The following ARL17A variants were observed in gnomAD, a reference collection of about 807,000 sequenced individuals.
ARL17A encodes the protein ADP-ribosylation factor-like 17-like.
chr17:46,506,154 T>G, the ARL17A span, among the ~76,000 whole-genome samples: 1 of 145,308 alleles, frequency 6.9e-6, no homozygotes, highest in Non-Finnish European at 1.5e-5. Context: ...AAGAGTCTAC[T>G]AGAGATACTA....
downstream of ARL17A, among the ~76,000 whole-genome samples, chr17:46,551,564 CTCAAGT>C (rs1283225604): frequency 6.7e-6 from 1 of 149,120 alleles, no homozygotes; most frequent in Non-Finnish European, 1.5e-5. Context: ...CAAAAGCCAA[CTCAAGT>C]TCATCTTTCT....
At chr17:46,544,671 T>C (rs1470853378) in intron 3 of ARL17A, among the ~76,000 whole-genome samples, 1 of 80,184 alleles carries the variant, frequency 1.2e-5, no homozygotes. Context: ...ATGACCATGC[T>C]ATACTGCCTA....
In ARL17A at chr17:46,573,025, A is replaced by G. The variant is rs985897936; in HGVS notation, c.149-2156T>C. On this transcript the variant is annotated intron_variant, in intron 2 of 3. Coordinates refer to ENST00000336125, the MANE Select transcript of ARL17A (RefSeq NM_001113738.2). ...AGGGAGGAAGGGAGGAAGGGAGGAAAGGAAAAGAAGGAAAGATGTCCCCTT... is the reference window on the plus strand; with the variant it reads ...AGGGAGGAAGGGAGGAAGGGAGGAAGGGAAAAGAAGGAAAGATGTCCCCTT... 3.4e-5 allele frequency among the ~76,000 whole-genome samples: 4 copies of G among 117,782 alleles called. No individual in the cohort carries two copies. The Admixed American group carries it at 3.6e-4, about 11-fold the overall frequency. The allele number at this position is 117,782 out of a possible 152,430, so 77.3% of individuals were successfully genotyped here. A position where few individuals can be genotyped will look rare whatever the true frequency, so the allele number is the denominator to read the frequency against.
the ARL17A span, among the ~76,000 whole-genome samples, chr17:46,500,859 A>C: frequency 2.0e-5 from 3 of 150,972 alleles, no homozygotes; most frequent in African/African-American, 7.4e-5. Context: ...TGGTTCCCCA[A>C]ACAGCACAAC....
intron 3 of ARL17A, among the ~76,000 whole-genome samples, chr17:46,558,140 T>A (rs1302443914): frequency 7.3e-5 from 9 of 123,804 alleles, no homozygotes; most frequent in Non-Finnish European, 1.7e-5. Context: ...GCTCACTGCA[T>A]CCTCCGCCTC....
downstream of ARL17A, among the ~76,000 whole-genome samples, chr17:46,551,431 TCCAGCCACAGCAGCCCCTCACCAAACC>T (rs1441798387): frequency 6.7e-6 from 1 of 149,488 alleles, no homozygotes; most frequent in Non-Finnish European, 1.5e-5. Context: ...AGCCCTCCAT[TCCAGCCACAGCAGCCCCTCACCAAACC>T]CCAGTCACAC....
At chr17:46,551,028 A>G (rs1465150624), downstream of ARL17A, among the ~76,000 whole-genome samples, 4 of 149,948 alleles carry the variant, frequency 2.7e-5, no homozygotes, top group Non-Finnish European at 5.9e-5. Context: ...AAAGCACTAC[A>G]GAGTAGCCAT....
intron 4 of ARL17A, among the ~76,000 whole-genome samples, chr17:46,530,277 G>T (rs1435073725): frequency 8.7e-6 from 1 of 114,552 alleles, no homozygotes; most frequent in East Asian, 2.7e-4. Context: ...GAGCCCACCA[G>T]TGGTCTTACA....
At chr17:46,516,196 G>T (rs1225367210), downstream of ARL17A, among the ~76,000 whole-genome samples, 1 of 148,182 alleles carries the variant, frequency 6.7e-6, no homozygotes, top group African/African-American at 2.5e-5. Context: ...CCAGCTACTC[G>T]GGAGGCTGAG....
the ARL17A span, among the ~76,000 whole-genome samples, chr17:46,500,793 A>T: frequency 2.6e-5 from 4 of 151,120 alleles, no homozygotes; most frequent in African/African-American, 9.9e-5. Context: ...ATTTTTACTC[A>T]TCTGGATCTT....
At chr17:46,545,079 A>G (rs1427982532) in intron 3 of ARL17A, among the ~76,000 whole-genome samples, 1 of 135,678 alleles carries the variant, frequency 7.4e-6, no homozygotes, top group Non-Finnish European at 1.6e-5. Flanking sequence ...TCGTAACCGC[A>G]GATGGCCTGT....
At chr17:46,526,396 A>G (rs1338962071), downstream of ARL17A, among the ~76,000 whole-genome samples, 1 of 101,602 alleles carries the variant, frequency 9.8e-6, no homozygotes, top group Non-Finnish European at 2.1e-5. Flanking sequence ...ACAAACAAAA[A>G]AAGAGGCCCC....
At chr17:46,526,839 T>C (rs1337599962), downstream of ARL17A, among the ~76,000 whole-genome samples, 2 of 87,746 alleles carry the variant, frequency 2.3e-5, no homozygotes, top group African/African-American at 9.7e-5. Context: ...ACCAGGCGGC[T>C]AACTATCAAA....
At chr17:46,534,503 C>G (rs1454817526) in intron 4 of ARL17A, among the ~76,000 whole-genome samples, 1 of 148,402 alleles carries the variant, frequency 6.7e-6, no homozygotes, top group Non-Finnish European at 1.5e-5. Context: ...TCAGAGAGCA[C>G]TGGGTTGGGG....
At chr17:46,503,324 C>G in the ARL17A span, among the ~76,000 whole-genome samples, 307 of 149,774 alleles carry the variant, frequency 2.0e-3, 28 homozygotes, top group African/African-American at 7.6e-3. Flanking sequence ...TTCATTCACT[C>G]AATCAACAGA....
chr17:46,533,362 A>G (rs2054006477), intron 4 of ARL17A, among the ~76,000 whole-genome samples: 1 of 82,632 alleles, frequency 1.2e-5, no homozygotes, highest in South Asian at 4.2e-4. Context: ...TTTCAATGGT[A>G]TACAAAAACT....
At chr17:46,542,591 A>T (rs2055573122) in intron 3 of ARL17A, among the ~76,000 whole-genome samples, 1 of 149,828 alleles carries the variant, frequency 6.7e-6, no homozygotes, top group African/African-American at 2.5e-5. Flanking sequence ...GCTACTAGGG[A>T]ACCTGAGTCA....
chr17:46,539,552 CAA>C (rs1344086420), intron 3 of ARL17A, among the ~76,000 whole-genome samples: 1 of 149,438 alleles, frequency 6.7e-6, no homozygotes, highest in African/African-American at 2.5e-5. Context: ...CACCTGAGGT[CAA>C]GAGTTCAAAA....
At chr17:46,501,816 A>G in the ARL17A span, among the ~76,000 whole-genome samples, 17 of 151,350 alleles carry the variant, frequency 1.1e-4, no homozygotes, top group African/African-American at 3.2e-4. Flanking sequence ...CCTATTGTCT[A>G]TATTCCATTT....
Sources: allele counts gnomAD v4.1 joint callset (sites outside exome capture counted in the v4.1 genomes callset), GRCh38; gene constraint gnomAD v4.1.1; transcripts MANE v1.5; gene names NCBI Gene and HGNC (gene_info 2026-07-23, HGNC 2026-07-21).